Variants in DNASE1 observed in about 807,000 individuals in gnomAD.
DNASE1 encodes the protein deoxyribonuclease 1, also known as deoxyribonuclease-1.
In DNASE1, 40 loss-of-function variants were observed where a neutral mutation model predicts 33.9. The observed-to-expected ratio is 1.18, with a 90% CI of 0.92 to 1.54. DNASE1 has a LOEUF of 1.54. Among genes scored for constraint, DNASE1 ranks in the 40% most tolerant of loss-of-function variants. The pLI is 0.00. For synonymous variants in DNASE1, 216 were observed against 160.0 expected (o/e 1.35, Z -2.64); for missense variants, 518 against 372.6 (o/e 1.39, Z -3.21).
chr16:3,661,901 C>T (rs1431233284), downstream of DNASE1: 7 of 1,468,896 alleles, frequency 4.8e-6, no homozygotes, highest in Non-Finnish European at 6.3e-6. Flanking sequence ...CACTTTTCTT[C>T]TGTGTCACAT....
intron 1 of DNASE1, among the ~76,000 whole-genome samples, chr16:3,619,563 G>T (rs1001081860): frequency 1.9e-4 from 29 of 150,504 alleles, no homozygotes; most frequent in Non-Finnish European, 3.4e-4. Context: ...GGGTTTCACC[G>T]TGTTAGCCAG....
Position 3,655,539 on chromosome 16 carries a change from C to G in DNASE1, c.147+19C>G, listed in dbSNP as rs1413477763. 1.2e-6 allele frequency: 2 copies of G among 1,613,800 alleles called. No homozygotes were observed. The highest frequency in any genetic ancestry group is 1.7e-6 in the Non-Finnish European group (2 of 1,179,992). ...TGTGCAGGTGAGGCCAGGGCAGCCT[C>G]CCCCCAAAAGCAGAGGAGCTCTGGA... On this transcript the variant is annotated intron_variant, in intron 2 of 8. Coordinates refer to ENST00000246949, the MANE Select transcript of DNASE1 (RefSeq NM_005223.4).
intron 1 of DNASE1, among the ~76,000 whole-genome samples, chr16:3,632,582 C>T (rs983700055): frequency 1.8e-4 from 27 of 148,828 alleles, no homozygotes; most frequent in African/African-American, 6.4e-4. Flanking sequence ...TTAATTTTTT[C>T]TCTCTTTTTT....
downstream of DNASE1, chr16:3,662,510 T>C (rs1333800861): frequency 1.3e-5 from 7 of 524,812 alleles, no homozygotes; most frequent in Non-Finnish European, 2.1e-5. Context: ...CTTAGCTCTC[T>C]GAAGCCCACC....
intron 1 of DNASE1, among the ~76,000 whole-genome samples, chr16:3,635,191 C>G (rs768492937): frequency 8.7e-4 from 133 of 152,194 alleles, no homozygotes; most frequent in Middle Eastern, 3.4e-3. Context: ...GGCGTGGTGG[C>G]TTTTGCCTGT....
chr16:3,619,898 A>G (rs987037866), intron 1 of DNASE1, among the ~76,000 whole-genome samples: 4 of 151,454 alleles, frequency 2.6e-5, no homozygotes, highest in African/African-American at 9.7e-5. Context: ...TATAACGAAA[A>G]TTCATATGTA....
At chr16:3,648,242 C>T (rs1021866800) in intron 1 of DNASE1, among the ~76,000 whole-genome samples, 3 of 151,910 alleles carry the variant, frequency 2.0e-5, no homozygotes, top group Non-Finnish European at 4.4e-5. Context: ...GCTCAGGCTG[C>T]AGTGCACTAC....
chr16:3,664,048 G>A (rs775030698), exon 10 of DNASE1: 21 of 501,036 alleles, frequency 4.2e-5, no homozygotes, highest in Non-Finnish European at 6.6e-5. Context: ...GGGCGAGAGA[G>A]CAAGACTCCA....
chr16:3,650,712 C>G (rs979619467), upstream of DNASE1: 2 of 151,920 alleles, frequency 1.3e-5, no homozygotes, highest in Admixed American at 6.6e-5. Flanking sequence ...TAGTGGATGT[C>G]TAGAAAAGTA....
chr16:3,637,737 C>G (rs2041911371), intron 1 of DNASE1, among the ~76,000 whole-genome samples: 1 of 152,170 alleles, frequency 6.6e-6, no homozygotes, highest in Non-Finnish European at 1.5e-5. Context: ...GGATCTTTCT[C>G]TGATCTTGAC....
rs1016711352 is a variant in DNASE1 at position 3,656,710 on chromosome 16, C to T, written c.393C>T (p.Phe131=). ...DGCEPCGNDT[F]NREPAIVRFF... ...GCGAGCCCTGCGGGAACGACACCTT[C>T]AACCGAGAGCCAGCCATTGTCAGGT... The change falls in exon 5 of 9, where the codon TTC becomes TTT. Residue 131 remains phenylalanine, a synonymous_variant. Transcript: ENST00000246949. 4.3e-6 allele frequency: 7 copies of T among 1,612,912 alleles called. No individual in the cohort carries two copies. Among genetic ancestry groups the T allele is most frequent in the African/African-American group, 1.3e-5 (1 of 75,006 alleles).
intron 1 of DNASE1, among the ~76,000 whole-genome samples, chr16:3,630,158 T>TG (rs1567192120): frequency 6.6e-6 from 1 of 151,022 alleles, no homozygotes; most frequent in Non-Finnish European, 1.5e-5. Context: ...TGTGTGTTTG[T>TG]TGTTGTTTTG....
chr16:3,628,656 T>A (rs1457994469), intron 1 of DNASE1, among the ~76,000 whole-genome samples: 1 of 151,614 alleles, frequency 6.6e-6, no homozygotes, highest in African/African-American at 2.4e-5. Context: ...CCTCCCGGGT[T>A]CACGCCATTC....
intron 1 of DNASE1, among the ~76,000 whole-genome samples, chr16:3,624,065 A>G: frequency 6.6e-6 from 1 of 152,056 alleles, no homozygotes; most frequent in East Asian, 1.9e-4. Context: ...CAGGCGGATC[A>G]CTTGAGTGCA....
intron 1 of DNASE1, among the ~76,000 whole-genome samples, chr16:3,616,699 C>T (rs2041115457): frequency 6.6e-6 from 1 of 152,040 alleles, no homozygotes; most frequent in Non-Finnish European, 1.5e-5. Flanking sequence ...ACCCAAATAG[C>T]CACTTTGTTC....
intron 1 of DNASE1, among the ~76,000 whole-genome samples, chr16:3,634,549 G>A (rs182998539): frequency 1.3e-5 from 2 of 151,986 alleles, no homozygotes; most frequent in East Asian, 3.9e-4. Flanking sequence ...TTGGTCTGTC[G>A]TCCAGGCTGG....
At chr16:3,613,005 T>C (rs1259076887) in intron 1 of DNASE1, among the ~76,000 whole-genome samples, 1 of 152,166 alleles carries the variant, frequency 6.6e-6, no homozygotes, top group Non-Finnish European at 1.5e-5. Context: ...TACAGTATCA[T>C]AAAATGCACA....
downstream of DNASE1, chr16:3,658,280 C>CT (rs2042839488): frequency 5.8e-6 from 8 of 1,375,366 alleles, no homozygotes; most frequent in South Asian, 1.3e-5. Flanking sequence ...GGCACCTTTT[C>CT]ATTTTTTTTT....
rs2151228456 is a variant in DNASE1, at chr16:3,658,069, A to AT, written c.*117dup. ...AAGAAATACCTTTAAATTTAGGTAA[A>AT]TAAAGCTCAAGGAGGTGGGGCTGTC... On this transcript the variant is annotated 3_prime_UTR_variant, in exon 9 of 9. Coordinates refer to ENST00000246949, the MANE Select transcript of DNASE1 (RefSeq NM_005223.4). 1 of 1,609,370 alleles carries AT rather than the reference A, an allele frequency of 6.2e-7. No individual in the cohort carries two copies. The highest frequency in any genetic ancestry group is 2.2e-5 in the East Asian group (1 of 44,826).
Sources: allele counts gnomAD v4.1 joint callset (sites outside exome capture counted in the v4.1 genomes callset), GRCh38; gene constraint gnomAD v4.1.1; transcripts MANE v1.5; gene names NCBI Gene and HGNC (gene_info 2026-07-23, HGNC 2026-07-21).